ERN1: variants seen among roughly 807,000 people sequenced by gnomAD.
ERN1 encodes the protein endoplasmic reticulum to nucleus signaling 1.
ERN1 carries 39 observed loss-of-function variants against 113.1 expected under a neutral mutation model. The ratio of observed to expected loss-of-function variants is 0.34; its 90% CI spans 0.27 to 0.45. The LOEUF is 0.45. Among genes scored for constraint, ERN1 ranks in the 20% least tolerant of loss-of-function variants. The pLI, the probability that ERN1 is intolerant of heterozygous loss-of-function variation, is 1.00. For missense variants in ERN1, 976 were observed against 1,274.8 expected (o/e 0.77, Z 3.57); for synonymous variants, 507 against 515.9 (o/e 0.98, Z 0.23).
At position 64,095,266 on chromosome 17, in the gene ERN1, T is replaced by C. The variant is rs542735540; in HGVS notation, c.175+2855A>G. On this transcript the variant is annotated intron_variant, in intron 2 of 21. Transcript: ENST00000433197. ...CAACATGGTGAAACTCCATCTCTAC[T>C]GAAAATACAAAAATTAGCCAGGCAT... 9.2e-5 allele frequency among the ~76,000 whole-genome samples: 14 copies of C among 152,214 alleles called. No homozygotes were observed. The South Asian group carries it at 2.1e-3, about 23-fold the overall frequency.
rs1024423191 is a variant in ERN1, at chr17:64,055,120, C to A, written c.1673-292G>T. On this transcript the variant is annotated intron_variant, in intron 13 of 21. Transcript: ENST00000433197. The stretch of plus-strand genomic sequence containing the variant: ...CTCCATAGCGTTTCACACACTTATA[C>A]ATATTCATTGTGATATAGTTAGAAT... Among the ~76,000 whole-genome samples the A allele has an allele frequency of 1.5e-4, 23 of 152,248 alleles. 1 individual carries two copies. Among genetic ancestry groups the A allele is most frequent in the African/African-American group, 5.5e-4 (23 of 41,464 alleles).
intron 1 of ERN1, among the ~76,000 whole-genome samples, chr17:64,116,599 C>A (rs1009992223): frequency 6.6e-5 from 10 of 151,488 alleles, no homozygotes; most frequent in African/African-American, 2.2e-4. Context: ...GGAGATGTTA[C>A]AAATACTCCT....
chr17:64,126,492 C>T (rs1338407943), intron 1 of ERN1, among the ~76,000 whole-genome samples: 1 of 152,070 alleles, frequency 6.6e-6, no homozygotes, highest in African/African-American at 2.4e-5. Flanking sequence ...TAATGCGGCT[C>T]ACTAGATTTA....
chr17:64,114,258 T>C (rs1156657492), intron 1 of ERN1, among the ~76,000 whole-genome samples: 3 of 152,142 alleles, frequency 2.0e-5, no homozygotes, highest in Non-Finnish European at 4.4e-5. Context: ...GAGCTTACAG[T>C]CCAATAGGAG....
At chr17:64,104,872 T>C (rs1420792595) in intron 1 of ERN1, among the ~76,000 whole-genome samples, 1 of 152,072 alleles carries the variant, frequency 6.6e-6, no homozygotes, top group Non-Finnish European at 1.5e-5. Flanking sequence ...TTTTCACCTC[T>C]AAGTCAATGG....
At chr17:64,105,901 G>A (rs1483764716) in intron 1 of ERN1, among the ~76,000 whole-genome samples, 1 of 151,782 alleles carries the variant, frequency 6.6e-6, no homozygotes, top group African/African-American at 2.4e-5. Flanking sequence ...GTTGCAGTGA[G>A]CCGAGATGGT....
At chr17:64,079,010 G>C (rs930839275) in intron 4 of ERN1, among the ~76,000 whole-genome samples, 1 of 152,104 alleles carries the variant, frequency 6.6e-6, no homozygotes, top group African/African-American at 2.4e-5. Context: ...TGTCTCAAAA[G>C]AAAAGAGAAA....
Position 64,054,231 on chromosome 17 carries a change from A to G in ERN1, c.1953+19T>C. ...CTATGACTTTAATAAAGTTAACAAAATAAAAAAAATAAATCCACCTCTTGC... is the reference window on the plus strand; with the variant it reads ...CTATGACTTTAATAAAGTTAACAAAGTAAAAAAAATAAATCCACCTCTTGC... On this transcript the variant is annotated intron_variant, in intron 15 of 21. Coordinates refer to ENST00000433197, the MANE Select transcript of ERN1 (RefSeq NM_001433.5). The surrounding 1 kb of genome is among the most constrained non-coding windows in gnomAD (Gnocchi z 4.9). 1 of 1,587,198 alleles carries G rather than the reference A, an allele frequency of 6.3e-7. No individual in the cohort carries two copies. Among genetic ancestry groups the G allele is most frequent in the African/African-American group, 1.4e-5 (1 of 74,054 alleles).
intron 1 of ERN1, chr17:64,128,929 G>C (rs1041694767): frequency 6.6e-6 from 1 of 152,122 alleles, no homozygotes; most frequent in African/African-American, 2.4e-5. Context: ...CTGGCACTCA[G>C]GCACACACAT....
intron 1 of ERN1, among the ~76,000 whole-genome samples, chr17:64,105,437 T>C (rs1025000073): frequency 1.3e-5 from 2 of 152,154 alleles, no homozygotes; most frequent in Non-Finnish European, 2.9e-5. Context: ...AATAAAAATC[T>C]TTTCTATGAA....
chr17:64,085,004 C>A (rs1209525296), intron 2 of ERN1, among the ~76,000 whole-genome samples: 1 of 152,208 alleles, frequency 6.6e-6, no homozygotes, highest in Admixed American at 6.5e-5. Context: ...TCACTTACCA[C>A]CTCTGTAGTT....
intron 15 of ERN1, 52 bp from the exon 16 acceptor site, chr17:64,053,423 C>G: frequency 1.5e-6 from 2 of 1,295,880 alleles, no homozygotes; most frequent in East Asian, 2.6e-5. Flanking sequence ...AGGACTTGGC[C>G]CCTCGGCTCA....
chr17:64,055,090 G>A (rs1443093905), intron 13 of ERN1, among the ~76,000 whole-genome samples: 1 of 152,154 alleles, frequency 6.6e-6, no homozygotes, highest in Non-Finnish European at 1.5e-5. Flanking sequence ...TGGAAGGCAG[G>A]GATTCTCCAT....
intron 2 of ERN1, among the ~76,000 whole-genome samples, chr17:64,084,278 C>A (rs1913858903): frequency 6.6e-6 from 1 of 152,170 alleles, no homozygotes; most frequent in Admixed American, 6.5e-5. Context: ...ATGTCTATTT[C>A]TCCCTAACAC....
chr17:64,104,215 C>A (rs1339099020), intron 1 of ERN1, among the ~76,000 whole-genome samples: 1 of 152,172 alleles, frequency 6.6e-6, no homozygotes, highest in Non-Finnish European at 1.5e-5. Context: ...GCACTCTAAC[C>A]TGAGCAACAG....
At position 64,054,241 on chromosome 17, in the gene ERN1, T is replaced by A. The variant is rs777174779; in HGVS notation, c.1953+9A>T. 15 of 1,597,190 alleles carry A rather than the reference T, an allele frequency of 9.4e-6. No homozygotes were observed. In the East Asian group the frequency reaches 2.9e-4, roughly 31 times the overall value. ...AATAAAGTTAACAAAATAAAAAAAA[T>A]AAATCCACCTCTTGCAGGGTGGCTG... On this transcript the variant is annotated intron_variant, in intron 15 of 21. Transcript: ENST00000433197. This position sits in a 1 kb window ranked among gnomAD's most constrained non-coding sequence, Gnocchi z 4.9.
At chr17:64,085,350 T>G (rs1485944809) in intron 2 of ERN1, among the ~76,000 whole-genome samples, 1 of 151,792 alleles carries the variant, frequency 6.6e-6, no homozygotes, top group Non-Finnish European at 1.5e-5. Context: ...GGAACCGGAG[T>G]GTACAGAGCT....
chr17:64,043,148 C>A lies in ERN1; in HGVS notation c.*840G>T. The A allele has an allele frequency of 6.6e-6, 1 of 152,580 alleles. No homozygotes were observed. Among genetic ancestry groups the A allele is most frequent in the Non-Finnish European group, 1.5e-5 (1 of 68,164 alleles). 9.5% of individuals were successfully genotyped at this position (152,580 alleles called of 1,614,324 possible). On this transcript the variant is annotated 3_prime_UTR_variant, in exon 22 of 22. Coordinates refer to ENST00000433197, the MANE Select transcript of ERN1 (RefSeq NM_001433.5). ...GGCGGCCTCCCTCTGGTCCTGAAGG[C>A]TGGCCCCTGTCTGGGTCTTCGCTGC...
At chr17:64,096,101 AC>A (rs942853984) in intron 2 of ERN1, among the ~76,000 whole-genome samples, 2 of 151,234 alleles carry the variant, frequency 1.3e-5, no homozygotes, top group Non-Finnish European at 2.9e-5. Context: ...GGGGTCCCCA[AC>A]CCCCAGGTTG....
Sources: gnomAD v4.1 joint callset for allele counts (sites outside exome capture counted in the v4.1 genomes callset) on GRCh38, gnomAD v4.1.1 for gene constraint, Gnocchi (gnomAD v3.1) non-coding constraint, MANE v1.5 for transcripts, NCBI Gene and HGNC (gene_info 2026-07-23, HGNC 2026-07-21) for gene names.